The following DLGAP2 variants were observed in gnomAD, a reference collection of about 807,000 sequenced individuals.
DLGAP2 encodes DLG associated protein 2, also known as disks large-associated protein 2.
In DLGAP2, 26 loss-of-function variants were observed where a neutral mutation model predicts 100.3. The observed-to-expected ratio is 0.26, with a 90% CI of 0.19 to 0.36. The LOEUF (loss-of-function observed/expected upper bound fraction) is 0.36, where lower values mean the gene tolerates loss of function less well. Ranked by LOEUF, DLGAP2 falls within the 10% of genes least tolerant of loss-of-function variation. The probability of loss-of-function intolerance (pLI) is 1.00; values close to 1 mark genes in which losing one functional copy is unlikely to be tolerated. For synonymous variants in DLGAP2, 886 were observed against 630.1 expected (o/e 1.41, Z -6.08); for missense variants, 1,858 against 1,453.2 (o/e 1.28, Z -4.53).
chr8:1,043,381 A>C (rs1449538808), intron 2 of DLGAP2, among the ~76,000 whole-genome samples: 1 of 122,150 alleles, frequency 8.2e-6, no homozygotes, highest in Non-Finnish European at 1.8e-5. Flanking sequence ...CGTGGCTGGC[A>C]GGTGGTGGAC....
Position 1,548,582 on chromosome 8 carries a change from C to T in DLGAP2, c.173-44C>T, listed in dbSNP as rs771815321. 2.9e-5 allele frequency: 41 copies of T among 1,437,140 alleles called. 1 individual carries two copies. The South Asian group carries it at 4.1e-4, about 14-fold the overall frequency. The allele number at this position is 1,437,140 out of a possible 1,614,324, so 89.0% of individuals were successfully genotyped here. ...CATATTCCCCGCACCTGAGGGTTTC[C>T]GCCGCGCTTCCGGGTGTTCAATGCC... On this transcript the variant is annotated intron_variant, in intron 4 of 14. Coordinates refer to ENST00000637795, the MANE Select transcript of DLGAP2 (RefSeq NM_001346810.2).
intron 8 of DLGAP2, among the ~76,000 whole-genome samples, chr8:1,651,122 T>C (rs1798152658): frequency 6.6e-6 from 1 of 152,236 alleles, no homozygotes; most frequent in South Asian, 2.1e-4. Flanking sequence ...GTCCACATTC[T>C]GAAGATAAAC....
At chr8:925,226 C>G (rs140172944) in intron 2 of DLGAP2, among the ~76,000 whole-genome samples, 3 of 152,232 alleles carry the variant, frequency 2.0e-5, no homozygotes, top group Admixed American at 6.5e-5. Context: ...CCATCTCAAT[C>G]TCCAAAGTAG....
intron 2 of DLGAP2, among the ~76,000 whole-genome samples, chr8:1,155,405 G>T (rs923351984): frequency 1.3e-5 from 2 of 152,202 alleles, no homozygotes; most frequent in Non-Finnish European, 2.9e-5. Context: ...TTGCCAGGGG[G>T]CTGCTAGCTG....
At chr8:949,402 C>G (rs1361928228) in intron 2 of DLGAP2, among the ~76,000 whole-genome samples, 5 of 152,156 alleles carry the variant, frequency 3.3e-5, no homozygotes, top group Non-Finnish European at 7.4e-5. Flanking sequence ...TGGCTGGGGC[C>G]GCCCAGGAGT....
intron 3 of DLGAP2, among the ~76,000 whole-genome samples, chr8:1,456,718 A>G (rs2130134107): frequency 2.3e-5 from 1 of 42,882 alleles, no homozygotes; most frequent in South Asian, 7.2e-4. Flanking sequence ...TAACCAGCAA[A>G]CGCTGAAGGC....
At chr8:1,312,232 G>T (rs555207734) in intron 3 of DLGAP2, among the ~76,000 whole-genome samples, 4 of 152,242 alleles carry the variant, frequency 2.6e-5, no homozygotes, top group African/African-American at 9.6e-5. Context: ...ATAAAACACA[G>T]GGTCTAGAAT....
At chr8:1,464,898 A>C (rs1424977240) in intron 3 of DLGAP2, among the ~76,000 whole-genome samples, 2 of 151,156 alleles carry the variant, frequency 1.3e-5, no homozygotes, top group African/African-American at 4.9e-5. Context: ...TTCACAAAAA[A>C]AAAGTAGTAT....
At chr8:1,621,198 C>T (rs1343796613) in intron 6 of DLGAP2, 2 of 152,200 alleles carry the variant, frequency 1.3e-5, no homozygotes, top group African/African-American at 4.8e-5. Flanking sequence ...TTTGGTGGCA[C>T]ATCCTTCAAA....
intron 8 of DLGAP2, among the ~76,000 whole-genome samples, chr8:1,665,816 A>G (rs1449839040): frequency 1.3e-5 from 2 of 152,100 alleles, no homozygotes; most frequent in Non-Finnish European, 2.9e-5. Context: ...TCTGTAAATG[A>G]CCCATGACAA....
intron 4 of DLGAP2, among the ~76,000 whole-genome samples, chr8:1,522,459 G>A (rs1800639097): frequency 6.6e-6 from 1 of 152,214 alleles, no homozygotes; most frequent in Non-Finnish European, 1.5e-5. Flanking sequence ...CCACAGTGCT[G>A]GGGCCAAGGC....
At chr8:1,165,931 T>C (rs1797006118) in intron 2 of DLGAP2, among the ~76,000 whole-genome samples, 1 of 152,222 alleles carries the variant, frequency 6.6e-6, no homozygotes, top group Admixed American at 6.5e-5. Context: ...TTGGTTGCTG[T>C]TTTAACCATT....
chr8:1,287,282 GGT>G (rs1554434662), intron 3 of DLGAP2, among the ~76,000 whole-genome samples: 38 of 101,638 alleles, frequency 3.7e-4, no homozygotes, highest in Admixed American at 8.5e-4. Flanking sequence ...GTGTGTGTGT[GGT>G]TGTTAGGAGG....
intron 1 of DLGAP2, among the ~76,000 whole-genome samples, chr8:804,394 C>T (rs1449254879): frequency 1.3e-5 from 2 of 152,202 alleles, no homozygotes; most frequent in Non-Finnish European, 2.9e-5. Context: ...CCCGGCCCTC[C>T]TGCCTGTGTG....
chr8:896,823 T>G (rs1798151797), intron 1 of DLGAP2, among the ~76,000 whole-genome samples: 5 of 152,194 alleles, frequency 3.3e-5, no homozygotes, highest in Admixed American at 3.3e-4. Flanking sequence ...GTCTGTGGCT[T>G]TTGTTTTATC....
At chr8:1,309,985 C>T (rs1445880328) in intron 3 of DLGAP2, among the ~76,000 whole-genome samples, 1 of 148,386 alleles carries the variant, frequency 6.7e-6, no homozygotes, top group Non-Finnish European at 1.5e-5. Context: ...ATCCCAGCTA[C>T]TTGGGAGGCT....
At chr8:1,492,100 T>C (rs1170246543) in intron 3 of DLGAP2, among the ~76,000 whole-genome samples, 1 of 152,230 alleles carries the variant, frequency 6.6e-6, no homozygotes, top group Non-Finnish European at 1.5e-5. Context: ...TTAAGTGACA[T>C]TTAACCACTG....
At chr8:1,176,194 C>T (rs1408660547) in intron 2 of DLGAP2, among the ~76,000 whole-genome samples, 6 of 145,836 alleles carry the variant, frequency 4.1e-5, no homozygotes, top group East Asian at 2.0e-4. Flanking sequence ...TGTTACATGG[C>T]GGTAGGTGAG....
At chr8:1,105,886 A>T (rs1804745878) in intron 2 of DLGAP2, among the ~76,000 whole-genome samples, 1 of 134,384 alleles carries the variant, frequency 7.4e-6, no homozygotes, top group Non-Finnish European at 1.6e-5. Flanking sequence ...TTTCTATTGA[A>T]GGGGGGCCAT....
Sources: gnomAD v4.1 joint callset for allele counts (sites outside exome capture counted in the v4.1 genomes callset) on GRCh38, gnomAD v4.1.1 for gene constraint, MANE v1.5 for transcripts, NCBI Gene and HGNC (gene_info 2026-07-23, HGNC 2026-07-21) for gene names.